The following FRMD4B variants were observed in gnomAD, a reference collection of about 807,000 sequenced individuals.
FRMD4B encodes FERM domain-containing protein 4B.
In FRMD4B, 74 loss-of-function variants were observed where a neutral mutation model predicts 141.5. That is an observed-to-expected ratio of 0.52 (90% confidence interval 0.43 to 0.63). The LOEUF is 0.63. Among genes scored for constraint, FRMD4B ranks in the 30% least tolerant of loss-of-function variants. The pLI, the probability that FRMD4B is intolerant of heterozygous loss-of-function variation, is 0.00. For missense variants in FRMD4B, 1,366 were observed against 1,253.4 expected (o/e 1.09, Z -1.36); for synonymous variants, 506 against 467.9 (o/e 1.08, Z -1.05).
intron 5 of FRMD4B, among the ~76,000 whole-genome samples, chr3:69,261,282 C>T (rs1367708587): frequency 6.6e-6 from 1 of 152,180 alleles, no homozygotes; most frequent in Admixed American, 6.5e-5. Context: ...GGACTTTGGA[C>T]ACACCATCTT....
chr3:69,441,750 C>T (rs181339898), intron 1 of FRMD4B, among the ~76,000 whole-genome samples: 13 of 152,234 alleles, frequency 8.5e-5, no homozygotes, highest in Admixed American at 4.6e-4. Flanking sequence ...CCCTAATGCC[C>T]CTGGTTGCTC....
intron 1 of FRMD4B, among the ~76,000 whole-genome samples, chr3:69,509,387 T>C (rs1383063212): frequency 6.6e-6 from 1 of 152,162 alleles, no homozygotes; most frequent in African/African-American, 2.4e-5. Flanking sequence ...AGCTGTTCCC[T>C]CCCGCCATGT....
At chr3:69,409,165 C>T (rs1160537997) in intron 2 of FRMD4B, among the ~76,000 whole-genome samples, 1 of 152,112 alleles carries the variant, frequency 6.6e-6, no homozygotes, top group Non-Finnish European at 1.5e-5. Context: ...TTGCTTGGTT[C>T]AGCACTTCTT....
At chr3:69,530,407 C>T (rs1700994113) in intron 1 of FRMD4B, among the ~76,000 whole-genome samples, 2 of 152,160 alleles carry the variant, frequency 1.3e-5, no homozygotes, top group African/African-American at 4.8e-5. Flanking sequence ...CCCCAACCCT[C>T]ACCTCTTCCC....
chr3:69,187,755 G>T lies in FRMD4B; in HGVS notation c.1919+15C>A. ...GCTGTGGGGCATTAACCTTACTGATGATATGACCTCTCACCTGGACTGCCT... is the reference window on the plus strand; with the variant it reads ...GCTGTGGGGCATTAACCTTACTGATTATATGACCTCTCACCTGGACTGCCT... On this transcript the variant is annotated intron_variant, in intron 19 of 22. Transcript: ENST00000398540. 1.9e-6 allele frequency: 3 copies of T among 1,603,976 alleles called. No homozygotes were observed. Among genetic ancestry groups the T allele is most frequent in the Non-Finnish European group, 2.6e-6 (3 of 1,176,136 alleles).
At chr3:69,513,283 C>T (rs1706718815) in intron 1 of FRMD4B, among the ~76,000 whole-genome samples, 1 of 151,780 alleles carries the variant, frequency 6.6e-6, no homozygotes, top group South Asian at 2.1e-4. Context: ...AATTGTATAC[C>T]AACAGATTGG....
intron 5 of FRMD4B, among the ~76,000 whole-genome samples, chr3:69,255,915 T>C (rs992669013): frequency 1.3e-5 from 2 of 152,102 alleles, no homozygotes; most frequent in African/African-American, 4.8e-5. Flanking sequence ...ACTTCAAAGC[T>C]TTTACAGTTC....
chr3:69,389,022 T>C (rs1313566522), upstream of FRMD4B, among the ~76,000 whole-genome samples: 1 of 145,568 alleles, frequency 6.9e-6, no homozygotes, highest in African/African-American at 2.5e-5. Flanking sequence ...CTCCATTGTC[T>C]CTTAGTCTAC....
In FRMD4B at chr3:69,246,132, C is replaced by A. The variant is rs111378635; in HGVS notation, c.581+3094G>T. The stretch of plus-strand genomic sequence containing the variant: ...GATTATAGGCGTGAGCCACTGTGCT[C>A]GGCACCCGGCGCCTGATTTTCTCAG... On this transcript the variant is annotated intron_variant, in intron 7 of 22. Coordinates refer to ENST00000398540, the MANE Select transcript of FRMD4B (RefSeq NM_015123.3). Among the ~76,000 whole-genome samples, 47 of 152,244 alleles carry A rather than the reference C, an allele frequency of 3.1e-4. 2 individuals carry two copies. In the South Asian group the frequency reaches 6.4e-3, roughly 21 times the overall value.
chr3:69,399,679 T>A (rs937029880), intron 2 of FRMD4B, among the ~76,000 whole-genome samples: 1 of 152,224 alleles, frequency 6.6e-6, no homozygotes, highest in African/African-American at 2.4e-5. Context: ...CTCTTCTCCA[T>A]CCTGAGATTG....
chr3:69,472,925 C>CTTTTGTTTTTTTTTTTTTTT (rs1705918997), intron 1 of FRMD4B, among the ~76,000 whole-genome samples: 1 of 90,916 alleles, frequency 1.1e-5, no homozygotes, highest in African/African-American at 4.8e-5. Flanking sequence ...GTGAGTCTTT[C>CTTTTGTTTTTTTTTTTTTTT]TTTTTTTTTT....
intron 1 of FRMD4B, among the ~76,000 whole-genome samples, chr3:69,351,428 G>C (rs1703146705): frequency 6.6e-6 from 1 of 152,158 alleles, no homozygotes; most frequent in African/African-American, 2.4e-5. Flanking sequence ...CAAAGAGAAA[G>C]TGTTTTAGTA....
intron 2 of FRMD4B, among the ~76,000 whole-genome samples, chr3:69,406,692 G>A (rs962326026): frequency 2.6e-5 from 4 of 151,774 alleles, no homozygotes; most frequent in African/African-American, 9.7e-5. Flanking sequence ...TAATGACTAT[G>A]TTTAGCCAAG....
intron 5 of FRMD4B, among the ~76,000 whole-genome samples, chr3:69,287,007 G>A (rs1402821457): frequency 6.6e-6 from 1 of 152,124 alleles, no homozygotes; most frequent in Non-Finnish European, 1.5e-5. Context: ...GTTTCACTGT[G>A]TTGGCCAGGC....
chr3:69,315,956 A>T (rs1701791981), intron 1 of FRMD4B, among the ~76,000 whole-genome samples: 1 of 152,234 alleles, frequency 6.6e-6, no homozygotes, highest in Non-Finnish European at 1.5e-5. Context: ...GCATTGCATG[A>T]AGTGTTTTAT....
At chr3:69,191,892 TA>T (rs2092842259) in intron 17 of FRMD4B, among the ~76,000 whole-genome samples, 2 of 152,248 alleles carry the variant, frequency 1.3e-5, no homozygotes, top group Non-Finnish European at 2.9e-5. Context: ...TGTAGTGGAC[TA>T]ACACTTGTGT....
Position 69,170,397 on chromosome 3 carries a change from TAA to T in FRMD4B, c.*1462_*1463del, listed in dbSNP as rs1018560559. On this transcript the variant is annotated 3_prime_UTR_variant, in exon 23 of 23. Transcript: ENST00000398540. ...GCTATACAAATATGCAAAAAAGGAATAAGTTATTTTTTTTTGCTTGTCTTTTT... is the reference window on the plus strand; with the variant it reads ...GCTATACAAATATGCAAAAAAGGAATGTTATTTTTTTTTGCTTGTCTTTTT... 8 of 37,652 alleles carry T rather than the reference TAA, an allele frequency of 2.1e-4. No individual in the cohort carries two copies. The highest frequency in any genetic ancestry group is 3.0e-4 in the Non-Finnish European group (2 of 6,714). 2.3% of individuals were successfully genotyped at this position (37,652 alleles called of 1,614,324 possible). A position where few individuals can be genotyped will look rare whatever the true frequency, so the allele number is the denominator to read the frequency against.
rs576342185 is a variant in FRMD4B at position 69,265,572 on chromosome 3, C to T, written c.502-15473G>A. On this transcript the variant is annotated intron_variant, in intron 5 of 22. Transcript: ENST00000398540. The stretch of plus-strand genomic sequence containing the variant: ...ACGCCATTCTCCTGCCTCAGCCTCC[C>T]GAGTAGCTGGGACTATAGGCGCCCA... Among the ~76,000 whole-genome samples the T allele has an allele frequency of 4.0e-5, 6 of 150,206 alleles. No homozygotes were observed. In the East Asian group the frequency reaches 8.2e-4, roughly 20 times the overall value.
intron 1 of FRMD4B, among the ~76,000 whole-genome samples, chr3:69,515,863 A>G (rs1700748403): frequency 6.6e-6 from 1 of 152,210 alleles, no homozygotes; most frequent in African/African-American, 2.4e-5. Flanking sequence ...CATTAAACCT[A>G]TAACTTTTGG....
Sources: allele counts gnomAD v4.1 joint callset (sites outside exome capture counted in the v4.1 genomes callset), GRCh38; gene constraint gnomAD v4.1.1; transcripts MANE v1.5; gene names NCBI Gene and HGNC (gene_info 2026-07-23, HGNC 2026-07-21).